RBFOX1: variants seen among roughly 807,000 people sequenced by gnomAD.
RBFOX1 encodes RNA binding fox-1 homolog 1.
In RBFOX1, 8 loss-of-function variants were observed where a neutral mutation model predicts 57.7. The observed-to-expected ratio is 0.14, with a 90% CI of 0.08 to 0.25. RBFOX1 has a LOEUF of 0.25. Among genes scored for constraint, RBFOX1 ranks in the 10% least tolerant of loss-of-function variants. The pLI is 1.00. For synonymous variants in RBFOX1, 326 were observed against 222.4 expected (o/e 1.47, Z -4.15); for missense variants, 611 against 548.5 (o/e 1.11, Z -1.14).
At chr16:5,872,528 C>T (rs181091265) in intron 4 of RBFOX1, among the ~76,000 whole-genome samples, 66 of 151,778 alleles carry the variant, frequency 4.3e-4, no homozygotes, top group South Asian at 4.2e-3. Context: ...CCCAGGAGTT[C>T]GAGACCAGCC....
intron 4 of RBFOX1, among the ~76,000 whole-genome samples, chr16:7,387,206 A>G (rs2097899028): frequency 6.6e-6 from 1 of 152,176 alleles, no homozygotes; most frequent in Non-Finnish European, 1.5e-5. Flanking sequence ...AGTGCTTGCC[A>G]CACACCAACC....
chr16:7,469,180 C>T lies in RBFOX1; in HGVS notation c.28-48967C>T, dbSNP rs1025727445. ...CAATCTCCTGACCTCATGATCTACC[C>T]GACTTGGCCTCCCAAAATGCTGGGA... On this transcript the variant is annotated intron_variant, in intron 4 of 15. Transcript: ENST00000550418. 6.6e-5 allele frequency among the ~76,000 whole-genome samples: 10 copies of T among 152,122 alleles called. No individual in the cohort carries two copies. In the South Asian group the frequency reaches 8.3e-4, roughly 13 times the overall value.
At chr16:7,107,578 C>T (rs941707577) in intron 4 of RBFOX1, among the ~76,000 whole-genome samples, 1 of 152,212 alleles carries the variant, frequency 6.6e-6, no homozygotes, top group African/African-American at 2.4e-5. Flanking sequence ...AGGTAGTGAA[C>T]ATCTGTCACC....
chr16:7,071,149 C>T (rs879858377), intron 4 of RBFOX1, among the ~76,000 whole-genome samples: 1 of 152,122 alleles, frequency 6.6e-6, no homozygotes, highest in Non-Finnish European at 1.5e-5. Context: ...TCGGCTGCTA[C>T]CCTGAAGCTT....
At chr16:7,242,996 T>A (rs1013211151) in intron 4 of RBFOX1, among the ~76,000 whole-genome samples, 1 of 152,218 alleles carries the variant, frequency 6.6e-6, no homozygotes, top group Non-Finnish European at 1.5e-5. Flanking sequence ...CTCCTCTTGT[T>A]TTTGTTACTT....
chr16:6,711,654 G>C (rs951251220), intron 3 of RBFOX1, among the ~76,000 whole-genome samples: 46 of 152,114 alleles, frequency 3.0e-4, no homozygotes, highest in African/African-American at 9.9e-4. Context: ...TTCCCCATCC[G>C]TGTGGAACTG....
intron 3 of RBFOX1, among the ~76,000 whole-genome samples, chr16:5,818,862 T>C (rs895064761): frequency 6.6e-6 from 1 of 152,208 alleles, no homozygotes. Flanking sequence ...ACTCCTTTTA[T>C]GTCCCATAGT....
intron 1 of RBFOX1, among the ~76,000 whole-genome samples, chr16:5,388,538 CCA>C: frequency 6.6e-6 from 1 of 152,070 alleles, no homozygotes; most frequent in East Asian, 1.9e-4. Flanking sequence ...TTTGCTGTGG[CCA>C]CTTTAAGGAG....
chr16:5,678,119 C>T (rs754058291), intron 3 of RBFOX1, among the ~76,000 whole-genome samples: 2 of 152,166 alleles, frequency 1.3e-5, no homozygotes, highest in African/African-American at 4.8e-5. Context: ...CTCTCCTCAC[C>T]TCTGCTTTCC....
intron 3 of RBFOX1, among the ~76,000 whole-genome samples, chr16:5,830,469 T>C (rs1229091475): frequency 6.6e-6 from 1 of 151,836 alleles, no homozygotes; most frequent in Non-Finnish European, 1.5e-5. Context: ...GAAAGAGGAT[T>C]GTATAGAGGC....
intron 3 of RBFOX1, among the ~76,000 whole-genome samples, chr16:6,980,578 A>C (rs565075596): frequency 6.6e-6 from 1 of 152,320 alleles, no homozygotes; most frequent in African/African-American, 2.4e-5. Flanking sequence ...GTATTGAAAA[A>C]CAGCTTTAAT....
intron 3 of RBFOX1, among the ~76,000 whole-genome samples, chr16:6,967,878 G>C (rs1196187961): frequency 6.6e-6 from 1 of 152,124 alleles, no homozygotes. Context: ...TTGTCAGTCT[G>C]AAAAAAGATG....
At chr16:6,560,176 A>C (rs2097161200) in intron 2 of RBFOX1, among the ~76,000 whole-genome samples, 2 of 32,636 alleles carry the variant, frequency 6.1e-5, no homozygotes, top group South Asian at 1.4e-3. Context: ...CCATTTATCA[A>C]AAAAAAAAAA....
intron 4 of RBFOX1, among the ~76,000 whole-genome samples, chr16:7,351,063 C>A (rs932589270): frequency 6.6e-6 from 1 of 152,188 alleles, no homozygotes; most frequent in Non-Finnish European, 1.5e-5. Context: ...GTTCTGTCTT[C>A]GGGATGGCTG....
chr16:7,003,964 A>G (rs1006761323), intron 3 of RBFOX1: 2 of 147,434 alleles, frequency 1.4e-5, no homozygotes, highest in African/African-American at 5.0e-5. Context: ...AAAACATCCC[A>G]TTTTCCCAGG....
intron 1 of RBFOX1, among the ~76,000 whole-genome samples, chr16:5,267,085 G>A (rs571265521): frequency 6.6e-6 from 1 of 151,592 alleles, no homozygotes; most frequent in Non-Finnish European, 1.5e-5. Context: ...GGAGTGTGTT[G>A]TGTACATCTC....
chr16:7,631,309 G>A (rs763735803), intron 11 of RBFOX1, among the ~76,000 whole-genome samples: 2 of 152,152 alleles, frequency 1.3e-5, no homozygotes, highest in South Asian at 2.1e-4. Context: ...CATCCAGTGC[G>A]GGAGGGAAGA....
chr16:6,864,332 A>G (rs879443270), intron 3 of RBFOX1, among the ~76,000 whole-genome samples: 4 of 152,172 alleles, frequency 2.6e-5, no homozygotes, highest in Admixed American at 2.6e-4. Flanking sequence ...TTATTTCAAG[A>G]CAAACATTTG....
intron 3 of RBFOX1, among the ~76,000 whole-genome samples, chr16:6,908,253 G>A (rs1471801466): frequency 6.6e-6 from 1 of 151,626 alleles, no homozygotes; most frequent in South Asian, 2.1e-4. Flanking sequence ...CTCTCCTCCA[G>A]CCTTTCGGGT....
Sources: gnomAD v4.1 joint callset for allele counts (sites outside exome capture counted in the v4.1 genomes callset) on GRCh38, gnomAD v4.1.1 for gene constraint, MANE v1.5 for transcripts, NCBI Gene and HGNC (gene_info 2026-07-23, HGNC 2026-07-21) for gene names.